GTPBP10: variants seen among roughly 807,000 people sequenced by gnomAD.
The protein encoded by GTPBP10 is GTP binding protein 10.
GTPBP10 carries 38 observed loss-of-function variants against 44.8 expected under a neutral mutation model. The ratio of observed to expected loss-of-function variants is 0.85; its 90% CI spans 0.65 to 1.11. The LOEUF is 1.11. Among genes scored for constraint, GTPBP10 ranks in the 50% most tolerant of loss-of-function variants. The pLI is 0.00. For missense variants in GTPBP10, 462 were observed against 453.7 expected (o/e 1.02, Z -0.17); for synonymous variants, 152 against 150.6 (o/e 1.01, Z -0.07).
chr7:90,362,872 C>G (rs1796054731), intron 4 of GTPBP10, among the ~76,000 whole-genome samples: 1 of 152,178 alleles, frequency 6.6e-6, no homozygotes, highest in Non-Finnish European at 1.5e-5. Context: ...GAATTGATCC[C>G]TTTACCATTA....
Position 90,390,963 on chromosome 7 carries a change from T to A in GTPBP10, c.*5809T>A, listed in dbSNP as rs1050335838. 5.9e-5 allele frequency: 9 copies of A among 152,204 alleles called. No individual in the cohort carries two copies. The highest frequency in any genetic ancestry group is 1.9e-4 in the African/African-American group (8 of 41,454). The allele number at this position is 152,204 out of a possible 1,614,324, so 9.4% of individuals were successfully genotyped here. A position where few individuals can be genotyped will look rare whatever the true frequency, so the allele number is the denominator to read the frequency against. On this transcript the variant is annotated 3_prime_UTR_variant, in exon 10 of 10. Transcript: ENST00000222511. ...TCAAGGGCAGACATTGAGTAAAAGC[T>A]TATGACTTTGGATGGATTTGAAACA...
chr7:90,352,368 A>G (rs1795806615), intron 1 of GTPBP10, among the ~76,000 whole-genome samples: 1 of 152,236 alleles, frequency 6.6e-6, no homozygotes, highest in African/African-American at 2.4e-5. Context: ...TGTAAGAACA[A>G]GTTTCATATT....
intron 4 of GTPBP10, among the ~76,000 whole-genome samples, chr7:90,369,978 A>T (rs191496822): frequency 1.2e-4 from 18 of 152,268 alleles, no homozygotes; most frequent in Non-Finnish European, 2.2e-4. Context: ...AGACGTACAG[A>T]GTGTTATAAT....
intron 4 of GTPBP10, among the ~76,000 whole-genome samples, chr7:90,355,520 G>A (rs891868473): frequency 2.6e-5 from 4 of 151,870 alleles, no homozygotes; most frequent in South Asian, 2.1e-4. Context: ...ATTACAAGAT[G>A]GTTAAATAAT....
chr7:90,359,165 T>C (rs114082205), intron 4 of GTPBP10, among the ~76,000 whole-genome samples: 2,352 of 152,208 alleles, frequency 0.015, 59 homozygotes, highest in African/African-American at 0.052. Context: ...TTTTTTTTAT[T>C]ATGCTTTAAG....
rs1467960945 is a variant in GTPBP10 at position 90,351,841 on chromosome 7, G to A, written c.34-975G>A. ...CTGCAGAGTAGCTGGGACTACAGGC[G>A]CCCGCCACCACGCCTGGCTAGTTTT... On this transcript the variant is annotated intron_variant, in intron 1 of 9. Coordinates refer to ENST00000222511, the MANE Select transcript of GTPBP10 (RefSeq NM_033107.4). 5.9e-5 allele frequency among the ~76,000 whole-genome samples: 9 copies of A among 152,016 alleles called. No homozygotes were observed. In the South Asian group the frequency reaches 6.2e-4, roughly 11 times the overall value.
In GTPBP10 at chr7:90,377,487, A is replaced by G. The variant is rs1372576407; in HGVS notation, c.592-20A>G. 1.3e-6 allele frequency: 2 copies of G among 1,516,832 alleles called. No individual in the cohort carries two copies. The highest frequency in any genetic ancestry group is 2.4e-5 in the South Asian group (2 of 81,766). 94.0% of individuals were successfully genotyped at this position (1,516,832 alleles called of 1,614,324 possible). ...TTTCATACATTTTCCTTTTTCATTA[A>G]CCATTTAACTTTGTATTAGATATCA... On this transcript the variant is annotated intron_variant, in intron 6 of 9. Transcript: ENST00000222511.
chr7:90,354,437 T>C (rs563155357), intron 2 of GTPBP10, 21 bp from the exon 3 acceptor site: 6 of 1,300,734 alleles, frequency 4.6e-6, no homozygotes, highest in Middle Eastern at 3.9e-4. Flanking sequence ...TACATACATA[T>C]ATATACTTTT....
rs1012236470 is a variant in GTPBP10 at position 90,385,329 on chromosome 7, A to C, written c.*175A>C. 1 of 496,964 alleles carries C rather than the reference A, an allele frequency of 2.0e-6. No homozygotes were observed. The highest frequency in any genetic ancestry group is 3.3e-5 in the East Asian group (1 of 30,078). 30.8% of individuals were successfully genotyped at this position (496,964 alleles called of 1,614,324 possible). On this transcript the variant is annotated 3_prime_UTR_variant, in exon 10 of 10. Transcript: ENST00000222511. ...TGAACTCATAGAAGGAGAGAATAGA[A>C]TGGTGGTTATCAAGGGCTGGTGGGG...
rs1224244884 is a variant in GTPBP10, at chr7:90,388,613, ATTAG to A, written c.*3463_*3466del. ...AACTTTTTTAAAATGGTAAACATGT[ATTAG>A]TTACATAATCAGGAAAAAAGTCATC... On this transcript the variant is annotated 3_prime_UTR_variant, in exon 10 of 10. Coordinates refer to ENST00000222511, the MANE Select transcript of GTPBP10 (RefSeq NM_033107.4). 4 of 152,194 alleles carry A rather than the reference ATTAG, an allele frequency of 2.6e-5. No homozygotes were observed. Among genetic ancestry groups the A allele is most frequent in the African/African-American group, 7.2e-5 (3 of 41,458 alleles). The allele number at this position is 152,194 out of a possible 1,614,324, so 9.4% of individuals were successfully genotyped here. A position where few individuals can be genotyped will look rare whatever the true frequency, so the allele number is the denominator to read the frequency against.
intron 9 of GTPBP10, chr7:90,383,838 C>G (rs1796474660): frequency 6.6e-6 from 1 of 152,142 alleles, no homozygotes; most frequent in African/African-American, 2.4e-5. Flanking sequence ...TTCTTGGTAA[C>G]AATTGTTGGA....
chr7:90,373,368 G>A (rs1165682020), intron 5 of GTPBP10, among the ~76,000 whole-genome samples: 2 of 152,080 alleles, frequency 1.3e-5, no homozygotes, highest in African/African-American at 2.4e-5. Context: ...AGGCTCTTGT[G>A]GTAGCTAGAT....
At position 90,353,129 on chromosome 7, in the gene GTPBP10, A is replaced by G. The variant is rs1220557354; in HGVS notation, c.227+120A>G. 6.3e-6 allele frequency: 4 copies of G among 632,940 alleles called. No individual in the cohort carries two copies. In the East Asian group the frequency reaches 8.5e-5, roughly 13 times the overall value. The allele number at this position is 632,940 out of a possible 1,614,324, so 39.2% of individuals were successfully genotyped here. A position where few individuals can be genotyped will look rare whatever the true frequency, so the allele number is the denominator to read the frequency against. On this transcript the variant is annotated intron_variant, in intron 2 of 9. Transcript: ENST00000222511. The stretch of plus-strand genomic sequence containing the variant: ...AAGTAAATTATTTCCTGTATTTATA[A>G]CCAAGCAAAAGCCTAAAATGTCTCA...
Position 90,372,787 on chromosome 7 carries a change from G to A in GTPBP10, c.538+559G>A, listed in dbSNP as rs563914507. On this transcript the variant is annotated intron_variant, in intron 5 of 9. Coordinates refer to ENST00000222511, the MANE Select transcript of GTPBP10 (RefSeq NM_033107.4). ...AGGCACTGTGATAAGTACCAGGAAGGTACTTATCATTCATTTAGCAGATAC... is the reference window on the plus strand; with the variant it reads ...AGGCACTGTGATAAGTACCAGGAAGATACTTATCATTCATTTAGCAGATAC... Among the ~76,000 whole-genome samples the A allele has an allele frequency of 3.3e-5, 5 of 152,122 alleles. No individual in the cohort carries two copies. In the East Asian group the frequency reaches 9.7e-4, roughly 29 times the overall value.
At chr7:90,370,332 TTGAG>T (rs1308047865) in intron 4 of GTPBP10, among the ~76,000 whole-genome samples, 26 of 127,696 alleles carry the variant, frequency 2.0e-4, no homozygotes, top group Non-Finnish European at 4.0e-4. Flanking sequence ...ATGAAGAAAA[TTGAG>T]TGTGTGTGTG....
chr7:90,371,338 TTA>T (rs1796253787), intron 4 of GTPBP10: 1 of 177,864 alleles, frequency 5.6e-6, no homozygotes, highest in African/African-American at 2.4e-5. Context: ...AGTGTTCACC[TTA>T]TATGATTCAG....
chr7:90,355,873 T>C (rs936019737), intron 4 of GTPBP10, among the ~76,000 whole-genome samples: 1 of 152,178 alleles, frequency 6.6e-6, no homozygotes, highest in Non-Finnish European at 1.5e-5. Flanking sequence ...GCAGTGCAGC[T>C]GCCCACTGGA....
At chr7:90,378,860 G>A (rs768262894) in intron 8 of GTPBP10, among the ~76,000 whole-genome samples, 2 of 151,884 alleles carry the variant, frequency 1.3e-5, no homozygotes, top group Admixed American at 1.3e-4. Flanking sequence ...GTGCCACCAC[G>A]CCCGGCTAAT....
At chr7:90,349,628 A>G (rs1562952260) in intron 1 of GTPBP10, among the ~76,000 whole-genome samples, 1 of 152,200 alleles carries the variant, frequency 6.6e-6, no homozygotes, top group Non-Finnish European at 1.5e-5. Flanking sequence ...TTTATAGATA[A>G]GGACAGTCCT....
Sources: allele counts gnomAD v4.1 joint callset (sites outside exome capture counted in the v4.1 genomes callset), GRCh38; gene constraint gnomAD v4.1.1; transcripts MANE v1.5; gene names NCBI Gene and HGNC (gene_info 2026-07-23, HGNC 2026-07-21).